SYT1: variants seen among roughly 807,000 people sequenced by gnomAD.
The protein encoded by SYT1 is synaptotagmin 1.
A neutral mutation model predicts 44.8 loss-of-function variants in SYT1; 8 were observed. That is an observed-to-expected ratio of 0.18 (90% confidence interval 0.10 to 0.32). The LOEUF (loss-of-function observed/expected upper bound fraction) is 0.32. Ranked by LOEUF, SYT1 falls within the 10% of genes least tolerant of loss-of-function variation. The pLI is 1.00. For missense variants in SYT1, 286 were observed against 509.3 expected (o/e 0.56, Z 4.22); for synonymous variants, 154 against 188.8 (o/e 0.82, Z 1.51).
At chr12:79,060,261 A>T (rs922006000) in intron 3 of SYT1, among the ~76,000 whole-genome samples, 1 of 152,064 alleles carries the variant, frequency 6.6e-6, no homozygotes, top group South Asian at 2.1e-4. Context: ...TCCCTGTAAC[A>T]AAAAGCTTTT....
chr12:79,241,901 G>C (rs1418555510), intron 4 of SYT1, among the ~76,000 whole-genome samples: 4 of 152,172 alleles, frequency 2.6e-5, no homozygotes, highest in Non-Finnish European at 4.4e-5. Flanking sequence ...GTCCTTAGAA[G>C]AGAAGAGAGA....
At chr12:78,900,038 A>G (rs913107345) in intron 1 of SYT1, among the ~76,000 whole-genome samples, 1 of 152,114 alleles carries the variant, frequency 6.6e-6, no homozygotes. Context: ...CAGTAAGACC[A>G]AACGCAAATG....
At chr12:79,049,509 C>G (rs1057374734) in intron 3 of SYT1, among the ~76,000 whole-genome samples, 7 of 151,770 alleles carry the variant, frequency 4.6e-5, no homozygotes, top group African/African-American at 1.7e-4. Context: ...TATAATTTAT[C>G]CTTTAAAAAT....
intron 1 of SYT1, among the ~76,000 whole-genome samples, chr12:78,945,841 T>C (rs1407220443): frequency 6.6e-6 from 1 of 152,146 alleles, no homozygotes; most frequent in East Asian, 1.9e-4. Flanking sequence ...CTCACACATA[T>C]CCTACCTATA....
intron 1 of SYT1, among the ~76,000 whole-genome samples, chr12:78,922,152 A>C (rs867596494): frequency 6.6e-6 from 1 of 151,946 alleles, no homozygotes; most frequent in Non-Finnish European, 1.5e-5. Flanking sequence ...GAACTCTGAG[A>C]TTCTTTGAAC....
chr12:79,217,172 A>G (rs1394594094), intron 3 of SYT1, among the ~76,000 whole-genome samples: 2 of 152,214 alleles, frequency 1.3e-5, no homozygotes, highest in Non-Finnish European at 2.9e-5. Flanking sequence ...TGTTTCATAC[A>G]CGTTTTGGTA....
At chr12:79,256,876 C>T (rs1490307856) in intron 4 of SYT1, among the ~76,000 whole-genome samples, 1 of 152,172 alleles carries the variant, frequency 6.6e-6, no homozygotes, top group Non-Finnish European at 1.5e-5. Flanking sequence ...TTATATTTTA[C>T]GCAGGGTATA....
chr12:78,916,316 C>T (rs139747030), intron 1 of SYT1, among the ~76,000 whole-genome samples: 26 of 152,046 alleles, frequency 1.7e-4, no homozygotes, highest in African/African-American at 5.3e-4. Context: ...AAAATCATGG[C>T]ATAAAACAAA....
chr12:79,064,500 A>G (rs1875616395), intron 3 of SYT1, among the ~76,000 whole-genome samples: 1 of 152,120 alleles, frequency 6.6e-6, no homozygotes, highest in Non-Finnish European at 1.5e-5. Context: ...TATTTTTCTT[A>G]TTACTAAAAT....
At chr12:79,200,171 T>C (rs527650778) in intron 3 of SYT1, among the ~76,000 whole-genome samples, 1 of 151,952 alleles carries the variant, frequency 6.6e-6, no homozygotes, top group Non-Finnish European at 1.5e-5. Flanking sequence ...AATCAGAAAT[T>C]CTGAACCGTT....
intron 4 of SYT1, among the ~76,000 whole-genome samples, chr12:79,264,061 C>T (rs1430890958): frequency 3.9e-5 from 6 of 151,984 alleles, no homozygotes; most frequent in Non-Finnish European, 8.8e-5. Context: ...AAGAAGTAAG[C>T]TTGTGATTGG....
intron 9 of SYT1, among the ~76,000 whole-genome samples, chr12:79,401,050 A>G (rs1196708264): frequency 1.3e-5 from 2 of 152,184 alleles, no homozygotes; most frequent in Non-Finnish European, 2.9e-5. Context: ...TCTATGGCCC[A>G]TCTGTAAGGT....
intron 9 of SYT1, among the ~76,000 whole-genome samples, chr12:79,416,413 A>G (rs530479636): frequency 6.6e-6 from 1 of 152,290 alleles, no homozygotes; most frequent in Admixed American, 6.5e-5. Flanking sequence ...GAAACATACA[A>G]CCTTATTGGC....
intron 1 of SYT1, among the ~76,000 whole-genome samples, chr12:78,934,901 C>A (rs996482997): frequency 6.6e-6 from 1 of 152,114 alleles, no homozygotes; most frequent in Non-Finnish European, 1.5e-5. Context: ...GCAGATCGTG[C>A]TTTCTGCCCT....
intron 3 of SYT1, among the ~76,000 whole-genome samples, chr12:79,107,932 G>A (rs1429159685): frequency 6.6e-6 from 1 of 151,838 alleles, no homozygotes; most frequent in African/African-American, 2.4e-5. Context: ...GTACTAGATG[G>A]GCTACTGGAT....
At chr12:78,882,743 T>G (rs1874525120) in intron 1 of SYT1, among the ~76,000 whole-genome samples, 1 of 151,768 alleles carries the variant, frequency 6.6e-6, no homozygotes, top group Non-Finnish European at 1.5e-5. Context: ...CTGATGAGAC[T>G]AAATTTAGTT....
chr12:79,098,924 T>C (rs1383449664), intron 3 of SYT1, among the ~76,000 whole-genome samples: 1 of 152,176 alleles, frequency 6.6e-6, no homozygotes, highest in Non-Finnish European at 1.5e-5. Context: ...GTCCAATGTA[T>C]GAGTATCGAC....
At chr12:79,408,188 AT>A (rs1565945303) in intron 9 of SYT1, among the ~76,000 whole-genome samples, 1 of 152,124 alleles carries the variant, frequency 6.6e-6, no homozygotes, top group Non-Finnish European at 1.5e-5. Flanking sequence ...GGGATTTCCT[AT>A]TGGTTCATTG....
intron 1 of SYT1, among the ~76,000 whole-genome samples, chr12:78,920,571 C>A (rs1445033866): frequency 2.0e-5 from 1 of 50,572 alleles, no homozygotes; most frequent in African/African-American, 2.8e-4. Flanking sequence ...ACTTTTATAA[C>A]CAAGTTCTCT....
Sources: gnomAD v4.1 joint callset for allele counts (sites outside exome capture counted in the v4.1 genomes callset) on GRCh38, gnomAD v4.1.1 for gene constraint, MANE v1.5 for transcripts, NCBI Gene and HGNC (gene_info 2026-07-23, HGNC 2026-07-21) for gene names.